Variants in SMARCA5 observed in about 807,000 individuals in gnomAD.
The protein encoded by SMARCA5 is SWI/SNF-related matrix-associated actin-dependent regulator of chromatin subfamily A member 5.
In SMARCA5, 18 loss-of-function variants were observed where a neutral mutation model predicts 140.4. The ratio of observed to expected loss-of-function variants is 0.13; its 90% CI spans 0.09 to 0.19. The LOEUF (loss-of-function observed/expected upper bound fraction) is 0.19, where lower values mean the gene tolerates loss of function less well. SMARCA5 is among the 10% of genes least tolerant of loss of function. SMARCA5 has a pLI of 1.00. For synonymous variants in SMARCA5, 449 were observed against 419.6 expected, an observed-to-expected ratio of 1.07 and a Z score of -0.86; for missense variants, 606 against 1,276.8, an observed-to-expected ratio of 0.47 and a Z score of 8.01.
At chr4:143,529,336 G>A (rs1265230969) in intron 8 of SMARCA5, among the ~76,000 whole-genome samples, 1 of 152,176 alleles carries the variant, frequency 6.6e-6, no homozygotes, top group Non-Finnish European at 1.5e-5. Context: ...GTGGCTCTAG[G>A]TTGACTGGTT....
intron 23 of SMARCA5, 150 bp downstream of exon 23, chr4:143,550,254 G>T: frequency 2.3e-6 from 1 of 429,288 alleles, no homozygotes; most frequent in Non-Finnish European, 4.1e-6. Flanking sequence ...TTCCTTAAGG[G>T]AGAACCCAAG....
chr4:143,546,753 A>G (rs1737533409), intron 19 of SMARCA5, 23 bp from the exon 20 acceptor site: 1 of 1,597,066 alleles, frequency 6.3e-7, no homozygotes, highest in Non-Finnish European at 8.5e-7. Context: ...GTGATTAAAT[A>G]TTTTGTTTCT....
intron 14 of SMARCA5, among the ~76,000 whole-genome samples, 164 bp from the exon 15 acceptor site, chr4:143,543,345 A>G (rs1413018810): frequency 6.6e-6 from 1 of 152,250 alleles, no homozygotes; most frequent in African/African-American, 2.4e-5. Context: ...TTGGCATTAA[A>G]TTTAGTGCAA....
In SMARCA5 at chr4:143,514,062, G is replaced by C. The variant is rs781637816; in HGVS notation, c.138G>C (p.Ala46=). 5.8e-6 allele frequency: 9 copies of C among 1,563,108 alleles called. No homozygotes were observed. Among genetic ancestry groups the C allele is most frequent in the Non-Finnish European group, 7.7e-6 (9 of 1,162,954 alleles). ...AAGGCGTCGCGGCGCAGGCGGTTGC[G>C]TCTGCGGCCAGCGCTGGTCCCGCAG... ...GPEGVAAQAV[A]SAASAGPADA... Residue 46 remains alanine, a synonymous_variant, in exon 1 of 24, where the codon GCG becomes GCC. Coordinates refer to ENST00000283131, the MANE Select transcript of SMARCA5 (RefSeq NM_003601.4).
intron 4 of SMARCA5, among the ~76,000 whole-genome samples, chr4:143,524,924 A>T (rs2149817977): frequency 6.6e-6 from 1 of 152,300 alleles, no homozygotes; most frequent in East Asian, 1.9e-4. Context: ...AAGAAAAATC[A>T]GGTGACCGTT....
At chr4:143,530,901 G>T (rs1173176772) in intron 9 of SMARCA5, among the ~76,000 whole-genome samples, 1 of 152,162 alleles carries the variant, frequency 6.6e-6, no homozygotes, top group Non-Finnish European at 1.5e-5. Context: ...TGAAACCTCT[G>T]CCTCCCAGGC....
intron 7 of SMARCA5, 51 bp downstream of exon 7, chr4:143,528,074 G>A: frequency 2.1e-6 from 3 of 1,410,794 alleles, no homozygotes; most frequent in South Asian, 1.5e-5. Flanking sequence ...TTTGATTAAA[G>A]TACAGATTTT....
chr4:143,550,734 C>G (rs1737625872), intron 23 of SMARCA5, among the ~76,000 whole-genome samples: 1 of 152,056 alleles, frequency 6.6e-6, no homozygotes, highest in African/African-American at 2.4e-5. Context: ...ACTCCAGTTC[C>G]ATCCATGTTG....
intron 10 of SMARCA5, 44 bp from the exon 11 acceptor site, chr4:143,536,408 C>A (rs758707730): frequency 2.2e-6 from 3 of 1,353,230 alleles, no homozygotes; most frequent in South Asian, 1.2e-5. Context: ...AGGGATTGAT[C>A]AAGGAACATT....
intron 23 of SMARCA5, 53 bp downstream of exon 23, chr4:143,550,157 A>T (rs936702115): frequency 4.5e-5 from 47 of 1,053,330 alleles, no homozygotes; most frequent in Non-Finnish European, 6.0e-5. Flanking sequence ...TCCCCTTTCT[A>T]AGTATTTAAC....
Position 143,555,160 on chromosome 4 carries a change from G to A in SMARCA5, c.*1976G>A. The A allele has an allele frequency of 1.4e-6, 1 of 715,166 alleles. No homozygotes were observed. The highest frequency in any genetic ancestry group is 1.7e-5 in the African/African-American group (1 of 57,888). 44.3% of individuals were successfully genotyped at this position (715,166 alleles called of 1,614,324 possible). On this transcript the variant is annotated 3_prime_UTR_variant, in exon 24 of 24. Coordinates refer to ENST00000283131, the MANE Select transcript of SMARCA5 (RefSeq NM_003601.4). ...CACTACTGCTACTGGAACTGCCTTA[G>A]CCACCTTGGTATCGTGGTTTGGCAA...
At chr4:143,551,713 T>C (rs1737643452) in intron 23 of SMARCA5, among the ~76,000 whole-genome samples, 1 of 152,030 alleles carries the variant, frequency 6.6e-6, no homozygotes, top group African/African-American at 2.4e-5. Context: ...TGTAGATGTA[T>C]GGACTTTACG....
chr4:143,526,175 A>G (rs1578794467), intron 5 of SMARCA5, 106 bp from the exon 6 acceptor site: 2 of 915,470 alleles, frequency 2.2e-6, no homozygotes, highest in East Asian at 2.4e-5. Flanking sequence ...ATTAACTGTT[A>G]TAAATATGTA....
intron 2 of SMARCA5, among the ~76,000 whole-genome samples, chr4:143,518,733 T>C (rs541688074): frequency 6.6e-6 from 1 of 152,266 alleles, no homozygotes; most frequent in Non-Finnish European, 1.5e-5. Flanking sequence ...TACATATGTA[T>C]ATATGTAACT....
In SMARCA5 at chr4:143,527,400, A is replaced by G. The variant is rs185351750; in HGVS notation, c.802-468A>G. 1.6e-3 allele frequency among the ~76,000 whole-genome samples: 249 copies of G among 152,318 alleles called. 3 individuals carry two copies. Among genetic ancestry groups the G allele is most frequent in the African/African-American group, 3.0e-3 (126 of 41,582 alleles). ...TTTGTTTGGGAGCCCAAAGAGTGGT[A>G]ATTACTTAACCAGTCTTTGCTTCAG... On this transcript the variant is annotated intron_variant, in intron 6 of 23. Coordinates refer to ENST00000283131, the MANE Select transcript of SMARCA5 (RefSeq NM_003601.4).
intron 23 of SMARCA5, among the ~76,000 whole-genome samples, chr4:143,551,926 A>G (rs1560823550): frequency 6.6e-6 from 1 of 150,424 alleles, no homozygotes; most frequent in Non-Finnish European, 1.5e-5. Flanking sequence ...AAATTTTAGT[A>G]TTTTTTTTTC....
At chr4:143,527,237 T>C (rs1484240106) in intron 6 of SMARCA5, among the ~76,000 whole-genome samples, 2 of 152,246 alleles carry the variant, frequency 1.3e-5, no homozygotes, top group East Asian at 3.8e-4. Context: ...AGCTCAGATT[T>C]GGAAATTTAT....
chr4:143,528,070 T>A, intron 7 of SMARCA5, 47 bp downstream of exon 7: 1 of 1,427,158 alleles, frequency 7.0e-7, no homozygotes, highest in Middle Eastern at 2.4e-4. Flanking sequence ...AGAATTTGAT[T>A]AAAGTACAGA....
chr4:143,534,993 A>C, intron 10 of SMARCA5, 29 bp downstream of exon 10: 1 of 1,379,072 alleles, frequency 7.3e-7, no homozygotes, highest in Non-Finnish European at 1.0e-6. Flanking sequence ...ACTTGATAGC[A>C]CTATTGATTC....
Sources: gnomAD v4.1 joint callset for allele counts (sites outside exome capture counted in the v4.1 genomes callset) on GRCh38, gnomAD v4.1.1 for gene constraint, MANE v1.5 for transcripts, NCBI Gene and HGNC (gene_info 2026-07-23, HGNC 2026-07-21) for gene names.